The following PCAT7 variants were observed in gnomAD, a reference collection of about 807,000 sequenced individuals.
The protein encoded by PCAT7 is prostate cancer associated transcript 7 (non-protein coding).
chr9:94,574,236 T>C (rs1827295615), intron 3 of PCAT7, among the ~76,000 whole-genome samples: 1 of 152,210 alleles, frequency 6.6e-6, no homozygotes, highest in South Asian at 2.1e-4. Flanking sequence ...TTGATACATA[T>C]TGAAAAATTG....
intron 2 of PCAT7, chr9:94,570,545 A>T (rs543149473): frequency 6.6e-6 from 1 of 152,356 alleles, no homozygotes; most frequent in Non-Finnish European, 1.5e-5. Flanking sequence ...CTTAGCTGTT[A>T]TTCTACAACA....
upstream of PCAT7, among the ~76,000 whole-genome samples, chr9:94,554,731 C>G (rs781502084): frequency 1.3e-5 from 2 of 152,332 alleles, no homozygotes; most frequent in African/African-American, 4.8e-5. Context: ...GCTAGCCTCC[C>G]TCCTACCGCT....
intron 2 of PCAT7, among the ~76,000 whole-genome samples, chr9:94,566,344 C>T (rs559715404): frequency 1.3e-5 from 2 of 152,366 alleles, no homozygotes; most frequent in South Asian, 2.1e-4. Context: ...ACCTGGCCCG[C>T]CCAGGGTGGA....
At position 94,571,334 on chromosome 9, in the gene PCAT7, G is replaced by A. The variant is rs921548552; in HGVS notation, n.442-1645G>A. ...TGATGGTTTTGGCTCCCCAAACTAG[G>A]CTCTCAGGACCCCTGGTCCCCAAAA... is the stretch of plus-strand genomic sequence containing the variant. On this transcript the variant is annotated intron_variant and non_coding_transcript_variant, in intron 2 of 8. Transcript: ENST00000647389. 18 of 984,256 alleles carry A rather than the reference G, an allele frequency of 1.8e-5. No homozygotes were observed. The Admixed American group carries it at 5.8e-4, about 32-fold the overall frequency. 61.0% of individuals were successfully genotyped at this position (984,256 alleles called of 1,614,324 possible).
chr9:94,569,327 C>G (rs1478681308), intron 2 of PCAT7: 1 of 152,306 alleles, frequency 6.6e-6, no homozygotes, highest in Non-Finnish European at 1.5e-5. Context: ...TCTAGTCCTG[C>G]CCGTTCCTAG....
chr9:94,571,746 G>GA, intron 2 of PCAT7: 2 of 715,292 alleles, frequency 2.8e-6, no homozygotes, highest in Non-Finnish European at 4.3e-6. Flanking sequence ...CCATCCAGAG[G>GA]AAACGAGTGG....
At chr9:94,559,425 A>G (rs1185999797) in intron 2 of PCAT7, among the ~76,000 whole-genome samples, 2 of 152,188 alleles carry the variant, frequency 1.3e-5, no homozygotes, top group African/African-American at 4.8e-5. Context: ...ACTTGGAAAT[A>G]TGAGATCTAG....
At chr9:94,566,551 A>G (rs1295101899) in intron 2 of PCAT7, among the ~76,000 whole-genome samples, 1 of 152,228 alleles carries the variant, frequency 6.6e-6, no homozygotes, top group Non-Finnish European at 1.5e-5. Context: ...GTTAATAAAT[A>G]GGTGGGTAAA....
chr9:94,562,003 G>C (rs1827112518), intron 2 of PCAT7, among the ~76,000 whole-genome samples: 1 of 152,056 alleles, frequency 6.6e-6, no homozygotes, highest in Admixed American at 6.6e-5. Flanking sequence ...TAAGTGACCA[G>C]AGTGGTTCTA....
intron 1 of PCAT7, among the ~76,000 whole-genome samples, chr9:94,555,878 G>A (rs1827000297): frequency 6.6e-6 from 1 of 150,722 alleles, no homozygotes; most frequent in Admixed American, 6.6e-5. Context: ...GGGAAAAGAC[G>A]GGAAAATAGT....
chr9:94,565,089 A>G (rs752966697), intron 2 of PCAT7, among the ~76,000 whole-genome samples: 3 of 152,076 alleles, frequency 2.0e-5, no homozygotes, highest in Non-Finnish European at 4.4e-5. Context: ...AAATAAAACA[A>G]TGGGTCTGGC....
At chr9:94,562,609 G>A (rs543518383) in intron 2 of PCAT7, among the ~76,000 whole-genome samples, 21 of 152,118 alleles carry the variant, frequency 1.4e-4, no homozygotes, top group Non-Finnish European at 4.4e-5. Flanking sequence ...AAAATGTGTC[G>A]CTGGTTGTTG....
intron 2 of PCAT7, chr9:94,567,224 T>TG: frequency 6.2e-7 from 1 of 1,609,940 alleles, no homozygotes; most frequent in Non-Finnish European, 8.5e-7. Context: ...CAGGACCCCA[T>TG]GGGGACAGCA....
chr9:94,567,749 G>C (rs2993963), intron 2 of PCAT7: 105,500 of 221,836 alleles, frequency 0.48, 26,047 homozygotes, highest in East Asian at 0.62. Context: ...GTTCTCACCC[G>C]CAGATTAATG....
At chr9:94,571,353 C>T (rs1048569701) in intron 2 of PCAT7, 2 of 1,200,800 alleles carry the variant, frequency 1.7e-6, no homozygotes, top group East Asian at 2.7e-5. Context: ...ACCCCTGGTC[C>T]CCAAAACAAG....
chr9:94,565,736 TGATA>T (rs34525238), intron 2 of PCAT7, among the ~76,000 whole-genome samples: 92,400 of 150,142 alleles, frequency 0.62, 28,465 homozygotes, highest in Admixed American at 0.73. Flanking sequence ...GGTAGATAGA[TGATA>T]GATAGATAGA....
chr9:94,562,123 A>G (rs1351500015), intron 2 of PCAT7, among the ~76,000 whole-genome samples: 2 of 151,920 alleles, frequency 1.3e-5, no homozygotes, highest in Non-Finnish European at 2.9e-5. Context: ...CATCCTGGCT[A>G]ACATGGTGAA....
At chr9:94,572,221 C>T (rs959584126) in intron 2 of PCAT7, among the ~76,000 whole-genome samples, 71 of 152,134 alleles carry the variant, frequency 4.7e-4, no homozygotes, top group African/African-American at 1.5e-3. Context: ...TTCTGTGGCC[C>T]TTGGTACATC....
exon 2 of PCAT7, chr9:94,559,064 C>T (rs769164820): frequency 2.0e-5 from 33 of 1,613,952 alleles, no homozygotes; most frequent in African/African-American, 9.3e-5. Flanking sequence ...GCTGGGTCCC[C>T]GTGGTCGCCA....
Sources: allele counts gnomAD v4.1 joint callset (sites outside exome capture counted in the v4.1 genomes callset), GRCh38; gene constraint gnomAD v4.1.1; transcripts MANE v1.5; gene names NCBI Gene and HGNC (gene_info 2026-07-23, HGNC 2026-07-21).